Variants in RBFOX1 observed in about 807,000 individuals in gnomAD.
RBFOX1 encodes the protein RNA binding protein fox-1 homolog 1.
Under a neutral mutation model 57.7 loss-of-function variants are expected in RBFOX1, and 8 were observed. The ratio of observed to expected loss-of-function variants is 0.14; its 90% CI spans 0.08 to 0.25. RBFOX1 has a LOEUF of 0.25. Ranked by LOEUF, RBFOX1 falls within the 10% of genes least tolerant of loss-of-function variation. RBFOX1 has a pLI of 1.00. For synonymous variants in RBFOX1, 326 were observed against 222.4 expected (o/e 1.47, Z -4.15); for missense variants, 611 against 548.5 (o/e 1.11, Z -1.14).
intron 4 of RBFOX1, among the ~76,000 whole-genome samples, chr16:5,989,756 T>C (rs1198772584): frequency 6.6e-6 from 1 of 151,672 alleles, no homozygotes; most frequent in Non-Finnish European, 1.5e-5. Flanking sequence ...ATCTTGGTCA[T>C]GAGAATGATC....
At position 6,226,175 on chromosome 16, in the gene RBFOX1, T is replaced by G. The variant is rs147206765; in HGVS notation, c.-126-90820T>G. On this transcript the variant is annotated intron_variant, in intron 1 of 15. Transcript: ENST00000550418. ...AGGAATTCGAGACCAGCCTGCAACA[T>G]GGTGAAACCCAGTCTGTACTAAAAA... is the stretch of plus-strand genomic sequence containing the variant. Among the ~76,000 whole-genome samples, 944 of 134,508 alleles carry G rather than the reference T, an allele frequency of 7.0e-3. 18 individuals are homozygous for G. Among genetic ancestry groups the G allele is most frequent in the African/African-American group, 0.025 (893 of 35,512 alleles). The allele number at this position is 134,508 out of a possible 152,430, so 88.2% of individuals were successfully genotyped here. A position where few individuals can be genotyped will look rare whatever the true frequency, so the allele number is the denominator to read the frequency against.
chr16:5,434,916 AT>A (rs5815248), intron 1 of RBFOX1, among the ~76,000 whole-genome samples: 3,198 of 142,596 alleles, frequency 0.022, 122 homozygotes, highest in African/African-American at 0.079. Flanking sequence ...AAAAAAAAAA[AT>A]TTAAGGCTGT....
chr16:6,303,715 C>A (rs1388924467), intron 1 of RBFOX1, among the ~76,000 whole-genome samples: 2 of 151,408 alleles, frequency 1.3e-5, no homozygotes, highest in East Asian at 3.9e-4. Context: ...GTGGCTCATG[C>A]CTGTAATCCC....
At chr16:5,331,724 G>A (rs776844382) in intron 1 of RBFOX1, among the ~76,000 whole-genome samples, 8 of 152,264 alleles carry the variant, frequency 5.3e-5, no homozygotes, top group Non-Finnish European at 1.0e-4. Flanking sequence ...AGTAAGAGGT[G>A]GGGACCATTC....
At chr16:7,498,587 C>T (rs1458416382) in intron 4 of RBFOX1, among the ~76,000 whole-genome samples, 2 of 152,092 alleles carry the variant, frequency 1.3e-5, no homozygotes, top group Non-Finnish European at 2.9e-5. Flanking sequence ...AAAGTGTTAC[C>T]ATTCAACATG....
At chr16:6,512,273 G>C (rs1205084334) in intron 2 of RBFOX1, among the ~76,000 whole-genome samples, 4 of 47,606 alleles carry the variant, frequency 8.4e-5, no homozygotes, top group Admixed American at 3.2e-4. Context: ...AACAGAGCAA[G>C]ACCCTGTATC....
chr16:6,078,471 C>T (rs1184037023), intron 1 of RBFOX1, among the ~76,000 whole-genome samples: 1 of 151,956 alleles, frequency 6.6e-6, no homozygotes, highest in Non-Finnish European at 1.5e-5. Context: ...TGACCTGAGA[C>T]ACTTCTTCTT....
At chr16:5,834,470 A>G (rs2056384701) in intron 3 of RBFOX1, among the ~76,000 whole-genome samples, 1 of 152,198 alleles carries the variant, frequency 6.6e-6, no homozygotes. Flanking sequence ...CATGGCACAC[A>G]TATATACCAC....
Position 6,280,637 on chromosome 16 carries a change from G to A in RBFOX1, c.-126-36358G>A, listed in dbSNP as rs375259057. The stretch of plus-strand genomic sequence containing the variant: ...TGGCCGTGGCATTATTTAGCCCCAC[G>A]AGCCAGAATATAGCCAGAAGTAATT... On this transcript the variant is annotated intron_variant, in intron 1 of 15. Transcript: ENST00000550418. Among the ~76,000 whole-genome samples, 14 of 152,166 alleles carry A rather than the reference G, an allele frequency of 9.2e-5. No homozygotes were observed. In the East Asian group the frequency reaches 1.2e-3, roughly 13 times the overall value.
At chr16:6,583,814 T>C (rs919255798) in intron 2 of RBFOX1, among the ~76,000 whole-genome samples, 4 of 152,218 alleles carry the variant, frequency 2.6e-5, no homozygotes, top group African/African-American at 7.2e-5. Flanking sequence ...AAATGTTTCA[T>C]TCCCAGCTTG....
intron 14 of RBFOX1, among the ~76,000 whole-genome samples, chr16:7,689,228 C>T (rs185436641): frequency 8.5e-4 from 129 of 152,238 alleles, no homozygotes; most frequent in Middle Eastern, 6.8e-3. Context: ...CAGCCTTCTC[C>T]CTTAAACTCA....
At chr16:6,791,383 GCTGT>G (rs1229364663) in intron 3 of RBFOX1, among the ~76,000 whole-genome samples, 2 of 152,052 alleles carry the variant, frequency 1.3e-5, no homozygotes, top group Admixed American at 6.6e-5. Flanking sequence ...GGCAGGACTG[GCTGT>G]CTAATAGGTG....
intron 9 of RBFOX1, among the ~76,000 whole-genome samples, chr16:7,605,467 A>T (rs996464558): frequency 1.3e-5 from 2 of 152,184 alleles, no homozygotes; most frequent in African/African-American, 4.8e-5. Flanking sequence ...TTCTGAGATC[A>T]TCCCGGGGGC....
intron 4 of RBFOX1, among the ~76,000 whole-genome samples, chr16:7,250,037 C>T (rs369716203): frequency 1.1e-4 from 16 of 152,258 alleles, no homozygotes; most frequent in African/African-American, 1.7e-4. Context: ...TTGTTTTGCA[C>T]GTATTTGGTA....
chr16:7,294,273 G>C (rs966315715), intron 4 of RBFOX1, among the ~76,000 whole-genome samples: 21 of 152,018 alleles, frequency 1.4e-4, no homozygotes, highest in Admixed American at 9.8e-4. Context: ...CTGTGCACTG[G>C]AAACAGACTC....
chr16:6,107,727 G>GGGTT (rs1483969089), intron 1 of RBFOX1, among the ~76,000 whole-genome samples: 1 of 127,264 alleles, frequency 7.9e-6, no homozygotes, highest in Admixed American at 8.0e-5. Flanking sequence ...ATTTGTGGGT[G>GGGTT]GGTGGGTGGG....
At chr16:5,393,327 A>C (rs936161784) in intron 1 of RBFOX1, among the ~76,000 whole-genome samples, 3 of 152,226 alleles carry the variant, frequency 2.0e-5, no homozygotes, top group African/African-American at 7.2e-5. Flanking sequence ...CTCAAGCCGA[A>C]TACTTGGCAG....
intron 4 of RBFOX1, among the ~76,000 whole-genome samples, chr16:7,399,400 T>G (rs1211751189): frequency 6.6e-6 from 1 of 152,188 alleles, no homozygotes; most frequent in East Asian, 1.9e-4. Context: ...TGAGCCGGGA[T>G]CAGACTGTTG....
chr16:6,836,792 T>A (rs1004918237), intron 3 of RBFOX1, among the ~76,000 whole-genome samples: 34 of 152,154 alleles, frequency 2.2e-4, no homozygotes, highest in African/African-American at 8.2e-4. Flanking sequence ...TTTCTGTAAT[T>A]AGAAAGTACA....
Sources: allele counts gnomAD v4.1 joint callset (sites outside exome capture counted in the v4.1 genomes callset), GRCh38; gene constraint gnomAD v4.1.1; transcripts MANE v1.5; gene names NCBI Gene and HGNC (gene_info 2026-07-23, HGNC 2026-07-21).